PLEKHA6: variants seen among roughly 807,000 people sequenced by gnomAD.
PLEKHA6 encodes the protein pleckstrin homology domain-containing family A member 6.
In PLEKHA6, 60 loss-of-function variants were observed where a neutral mutation model predicts 116.7. That is an observed-to-expected ratio of 0.51 (90% CI 0.42 to 0.64). The LOEUF (loss-of-function observed/expected upper bound fraction) is 0.64, where lower values mean the gene tolerates loss of function less well. PLEKHA6 is among the 30% of genes least tolerant of loss of function. PLEKHA6 has a pLI of 0.00. For missense variants in PLEKHA6, 1,338 were observed against 1,422.7 expected (o/e 0.94, Z 0.96); for synonymous variants, 489 against 556.1 (o/e 0.88, Z 1.70).
chr1:204,336,269 C>CTCTACCTCTGG (rs1197001534), intron 1 of PLEKHA6, among the ~76,000 whole-genome samples: 1 of 152,216 alleles, frequency 6.6e-6, no homozygotes, highest in East Asian at 1.9e-4. Flanking sequence ...GACAGGGTGC[C>CTCTACCTCTGG]TCTACCTCTG....
chr1:204,249,895 A>C (rs1664304486), intron 10 of PLEKHA6, among the ~76,000 whole-genome samples: 2 of 152,158 alleles, frequency 1.3e-5, no homozygotes, highest in Admixed American at 1.3e-4. Flanking sequence ...TATTCATGCC[A>C]TTCCTCAAAT....
At chr1:204,253,845 A>AC (rs929036456) in intron 9 of PLEKHA6, among the ~76,000 whole-genome samples, 34 of 147,610 alleles carry the variant, frequency 2.3e-4, no homozygotes, top group Non-Finnish European at 4.8e-4. Context: ...AAAAAAAAAA[A>AC]AAAAACAAAA....
chr1:204,371,531 T>C (rs1673779067), exon 2 of PLEKHA6: 1 of 152,272 alleles, frequency 6.6e-6, no homozygotes, highest in African/African-American at 2.4e-5. Flanking sequence ...GTTCCTTACC[T>C]GGGCAGGAGG....
intron 5 of PLEKHA6, 31 bp downstream of exon 5, chr1:204,267,444 C>T (rs745329221): frequency 6.3e-7 from 1 of 1,594,162 alleles, no homozygotes; most frequent in Non-Finnish European, 8.6e-7. Context: ...TGGCTTCCTG[C>T]CATCCCTGCC....
chr1:204,326,925 A>G, intron 1 of PLEKHA6: 1 of 966,634 alleles, frequency 1.0e-6, no homozygotes, highest in Middle Eastern at 5.3e-4. Flanking sequence ...CTCACTGCCC[A>G]AACCCTGGGG....
intron 1 of PLEKHA6, among the ~76,000 whole-genome samples, chr1:204,327,670 C>T (rs1181325175): frequency 6.6e-6 from 1 of 152,246 alleles, no homozygotes; most frequent in East Asian, 1.9e-4. Flanking sequence ...CAGGGGACCA[C>T]AAGCTCCTGG....
intron 3 of PLEKHA6, among the ~76,000 whole-genome samples, chr1:204,272,595 A>G (rs1341300910): frequency 6.6e-6 from 1 of 152,200 alleles, no homozygotes; most frequent in African/African-American, 2.4e-5. Flanking sequence ...AAACAAGACA[A>G]CCGGAGCTAA....
At chr1:204,280,453 T>C (rs1235500490) in intron 1 of PLEKHA6, 1 of 985,330 alleles carries the variant, frequency 1.0e-6, no homozygotes, top group Non-Finnish European at 1.2e-6. Context: ...GGGCCTCTCT[T>C]GATTATCTGC....
chr1:204,344,985 G>A (rs1294334974), intron 1 of PLEKHA6, among the ~76,000 whole-genome samples: 1 of 152,208 alleles, frequency 6.6e-6, no homozygotes, highest in Non-Finnish European at 1.5e-5. Context: ...AATGCCTGGA[G>A]AAGGTGGGGA....
In PLEKHA6 at chr1:204,273,711, C is replaced by G. The variant is rs1667716973; in HGVS notation, c.17G>C (p.Gly6Ala). 6.2e-7 allele frequency: 1 copy of G among 1,613,724 alleles called. No individual in the cohort carries two copies. Among genetic ancestry groups the G allele is most frequent in the African/African-American group, 1.3e-5 (1 of 74,886 alleles). ...GTTGGTGGTAGCCGGGCGTTTCCCA[C>G]CTGTTTTATTGGACATGTCCAAGGT... MSNKT[G>A]GKRPATTNSD... Residue 6 changes from glycine (G) to alanine (A), a missense_variant, in exon 3 of 23, where the codon GGT (glycine) becomes GCT (alanine). Gly to Ala is a moderately conservative substitution (Grantham distance 60). Transcript: ENST00000272203.
intron 17 of PLEKHA6, among the ~76,000 whole-genome samples, chr1:204,241,006 A>G (rs530805840): frequency 1.3e-5 from 2 of 152,284 alleles, no homozygotes; most frequent in South Asian, 2.1e-4. Flanking sequence ...TCGGACTCCA[A>G]GTTCTTCAGT....
Position 204,262,995 on chromosome 1 carries a change from C to T in PLEKHA6, c.382-1547G>A, listed in dbSNP as rs552275010. Among the ~76,000 whole-genome samples, 199 of 152,264 alleles carry T rather than the reference C, an allele frequency of 1.3e-3. 3 individuals carry two copies. Among genetic ancestry groups the T allele is most frequent in the Non-Finnish European group, 2.2e-3 (147 of 68,016 alleles). ...GTGTCCTGGGGTGGGTGGGAGCGGG[C>T]AGCAAATGAATTCATCAATTCAATG... On this transcript the variant is annotated intron_variant, in intron 6 of 22. Transcript: ENST00000272203.
intron 9 of PLEKHA6, among the ~76,000 whole-genome samples, chr1:204,251,902 T>C (rs1664620782): frequency 6.6e-6 from 1 of 151,960 alleles, no homozygotes; most frequent in Non-Finnish European, 1.5e-5. Flanking sequence ...TGTTGTCCCA[T>C]CCGCACTGGC....
At chr1:204,260,970 A>T (rs1364400131) in intron 7 of PLEKHA6, among the ~76,000 whole-genome samples, 1 of 152,152 alleles carries the variant, frequency 6.6e-6, no homozygotes, top group Admixed American at 6.5e-5. Context: ...ACCTGAGTTT[A>T]TTTTCCTCCA....
At chr1:204,342,310 T>C (rs1358960389) in intron 1 of PLEKHA6, among the ~76,000 whole-genome samples, 1 of 152,254 alleles carries the variant, frequency 6.6e-6, no homozygotes, top group Non-Finnish European at 1.5e-5. Flanking sequence ...AAGACCAGCC[T>C]GGGCAACATA....
At chr1:204,292,520 C>A (rs989037667) in intron 1 of PLEKHA6, among the ~76,000 whole-genome samples, 3 of 151,884 alleles carry the variant, frequency 2.0e-5, no homozygotes, top group African/African-American at 4.8e-5. Flanking sequence ...GTGTCCCTCA[C>A]CCTGGCTGAC....
At chr1:204,255,508 G>T in intron 9 of PLEKHA6, 1 of 644,002 alleles carries the variant, frequency 1.6e-6, no homozygotes, top group South Asian at 1.8e-5. Flanking sequence ...CCACTTTGTT[G>T]TGTCCTGCTT....
chr1:204,353,247 C>T (rs1364419628), intron 1 of PLEKHA6, among the ~76,000 whole-genome samples: 2 of 152,192 alleles, frequency 1.3e-5, no homozygotes, highest in Admixed American at 6.5e-5. Context: ...CCATCTCTTG[C>T]CTTGAAGAAG....
At position 204,229,030 on chromosome 1, in the gene PLEKHA6, G is replaced by A. The variant is rs1475287376; in HGVS notation, c.2658C>T (p.Gly886=). Residue 886 remains glycine (G), a synonymous_variant, in exon 19 of 23, where the codon GGC becomes GGT. Coordinates refer to ENST00000272203, the MANE Select transcript of PLEKHA6 (RefSeq NM_014935.5). ...LEAALRAEEP[G]GHAYETPREE... is the part of the protein sequence containing the mutation. ...CCCGGGGTGTCTCGTAGGCATGCCC[G>A]CCAGGCTCCTCTGCCCGCAGGGCTG... The A allele has an allele frequency of 2.2e-5, 36 of 1,613,978 alleles. No individual in the cohort carries two copies. Among genetic ancestry groups the A allele is most frequent in the Middle Eastern group, 1.6e-4 (1 of 6,082 alleles).
Sources: allele counts gnomAD v4.1 joint callset (sites outside exome capture counted in the v4.1 genomes callset), GRCh38; gene constraint gnomAD v4.1.1; transcripts MANE v1.5; gene names NCBI Gene and HGNC (gene_info 2026-07-23, HGNC 2026-07-21).